The following CDC42BPA variants were observed in gnomAD, a reference collection of about 807,000 sequenced individuals.
CDC42BPA encodes the protein CDC42 binding protein kinase alpha.
CDC42BPA carries 80 observed loss-of-function variants against 223.5 expected under a neutral mutation model. The ratio of observed to expected loss-of-function variants is 0.36; its 90% confidence interval spans 0.30 to 0.43. The LOEUF (loss-of-function observed/expected upper bound fraction) is 0.43. CDC42BPA is among the 20% of genes least tolerant of loss of function. The pLI is 1.00. For missense variants in CDC42BPA, 1,743 were observed against 2,099.9 expected, an observed-to-expected ratio of 0.83 and a Z score of 3.32; for synonymous variants, 694 against 718.6, an observed-to-expected ratio of 0.97 and a Z score of 0.55.
At chr1:227,118,977 G>A (rs2149434585) in intron 12 of CDC42BPA, among the ~76,000 whole-genome samples, 1 of 152,090 alleles carries the variant, frequency 6.6e-6, no homozygotes, top group Non-Finnish European at 1.5e-5. Context: ...AAGGTTATTT[G>A]TTTTATTTTT....
intron 6 of CDC42BPA, among the ~76,000 whole-genome samples, chr1:227,152,113 C>T (rs1258909843): frequency 1.3e-5 from 2 of 152,102 alleles, no homozygotes; most frequent in African/African-American, 4.8e-5. Context: ...GGAGTTTTTA[C>T]ATATTTTAGA....
At chr1:227,113,879 A>C (rs1275024495) in intron 12 of CDC42BPA, among the ~76,000 whole-genome samples, 1 of 150,590 alleles carries the variant, frequency 6.6e-6, no homozygotes, top group African/African-American at 2.4e-5. Context: ...AAAAAAAAAA[A>C]GGCCAGGTAT....
chr1:227,232,974 C>T (rs1488723728), intron 2 of CDC42BPA, among the ~76,000 whole-genome samples: 1 of 152,262 alleles, frequency 6.6e-6, no homozygotes, highest in African/African-American at 2.4e-5. Flanking sequence ...CACGCCTCCC[C>T]GAGCCTCTCT....
chr1:227,110,452 T>C (rs897771553), intron 14 of CDC42BPA, among the ~76,000 whole-genome samples: 2 of 152,196 alleles, frequency 1.3e-5, no homozygotes, highest in African/African-American at 4.8e-5. Flanking sequence ...AATGAAGTAA[T>C]GTTTATTGTA....
chr1:227,155,051 A>G lies in CDC42BPA; in HGVS notation c.693+5492T>C, dbSNP rs117714675. Among the ~76,000 whole-genome samples the G allele has an allele frequency of 2.2e-3, 335 of 152,338 alleles. 9 individuals carry two copies. In the East Asian group the frequency reaches 0.046, roughly 21 times the overall value. ...TTGACCGAGATATAACAGAAAAAGTAAGTTGAAACTTAATTTGAAAGTCAC... is the reference window on the plus strand; with the variant it reads ...TTGACCGAGATATAACAGAAAAAGTGAGTTGAAACTTAATTTGAAAGTCAC... On this transcript the variant is annotated intron_variant, in intron 6 of 36. Transcript: ENST00000366766.
At chr1:227,150,186 T>C (rs562220328) in intron 6 of CDC42BPA, among the ~76,000 whole-genome samples, 1 of 148,050 alleles carries the variant, frequency 6.8e-6, no homozygotes, top group South Asian at 2.1e-4. Context: ...ATGGCATCAC[T>C]GCACTCCAGC....
chr1:227,100,929 A>G, intron 15 of CDC42BPA, 63 bp downstream of exon 15: 1 of 1,064,534 alleles, frequency 9.4e-7, no homozygotes, highest in Non-Finnish European at 1.4e-6. Context: ...TGTATCTCCA[A>G]TACTTGACAC....
chr1:227,012,837 T>C (rs911327797), intron 34 of CDC42BPA, among the ~76,000 whole-genome samples: 3 of 152,080 alleles, frequency 2.0e-5, no homozygotes, highest in Non-Finnish European at 4.4e-5. Flanking sequence ...CAGGCATGCA[T>C]ATTATTATTA....
intron 5 of CDC42BPA, among the ~76,000 whole-genome samples, chr1:227,192,659 G>T (rs1042030670): frequency 2.0e-5 from 3 of 152,064 alleles, no homozygotes; most frequent in Non-Finnish European, 4.4e-5. Flanking sequence ...AAATGTGAGG[G>T]TACCTTTTAA....
Position 227,148,488 on chromosome 1 carries a change from G to A in CDC42BPA, c.694-929C>T, listed in dbSNP as rs573659820. 3.9e-5 allele frequency among the ~76,000 whole-genome samples: 6 copies of A among 152,120 alleles called. No individual in the cohort carries two copies. The South Asian group carries it at 1.0e-3, about 26-fold the overall frequency. The stretch of plus-strand genomic sequence containing the variant: ...TACATTTCCAATTCTGAATAATTAG[G>A]ATAAACTTACATTTTAGCAATACTG... On this transcript the variant is annotated intron_variant, in intron 6 of 36. Transcript: ENST00000366766.
At chr1:227,002,894 TC>T (rs1209857986) in intron 35 of CDC42BPA, among the ~76,000 whole-genome samples, 2 of 152,296 alleles carry the variant, frequency 1.3e-5, no homozygotes, top group Admixed American at 6.5e-5. Context: ...ACCAGAGCCA[TC>T]CAGTCTATGA....
At chr1:227,264,040 T>C (rs1263287736) in intron 1 of CDC42BPA, among the ~76,000 whole-genome samples, 1 of 152,240 alleles carries the variant, frequency 6.6e-6, no homozygotes, top group East Asian at 1.9e-4. Context: ...GTGCAGAATA[T>C]AATTTATACT....
At chr1:227,114,503 G>A (rs1379188407) in intron 12 of CDC42BPA, among the ~76,000 whole-genome samples, 1 of 149,320 alleles carries the variant, frequency 6.7e-6, no homozygotes, top group Non-Finnish European at 1.5e-5. Context: ...GAAATGAAGA[G>A]CTAATAAAAT....
At chr1:227,206,358 ATAT>A (rs1409714397) in intron 3 of CDC42BPA, among the ~76,000 whole-genome samples, 1 of 136,796 alleles carries the variant, frequency 7.3e-6, no homozygotes, top group Non-Finnish European at 1.6e-5. Context: ...ATTGGACATT[ATAT>A]TATTATACCT....
At chr1:227,198,993 C>T (rs1671262787) in intron 4 of CDC42BPA, among the ~76,000 whole-genome samples, 1 of 152,174 alleles carries the variant, frequency 6.6e-6, no homozygotes, top group South Asian at 2.1e-4. Context: ...CATGATCCTC[C>T]CGCCTTGGCC....
At chr1:227,059,346 G>T in intron 21 of CDC42BPA, 1 of 1,553,394 alleles carries the variant, frequency 6.4e-7, no homozygotes, top group Non-Finnish European at 8.7e-7. Flanking sequence ...CCTCAGGATG[G>T]GTACATAAAG....
intron 1 of CDC42BPA, among the ~76,000 whole-genome samples, chr1:227,287,490 C>G (rs993064578): frequency 6.6e-6 from 1 of 152,192 alleles, no homozygotes; most frequent in African/African-American, 2.4e-5. Flanking sequence ...TAAAATACCT[C>G]TTACCCTGAT....
chr1:227,036,650 C>T (rs891772783), intron 24 of CDC42BPA, among the ~76,000 whole-genome samples: 2 of 152,020 alleles, frequency 1.3e-5, no homozygotes, highest in African/African-American at 2.4e-5. Flanking sequence ...AGGATGGTCT[C>T]GATCTCCTGA....
At chr1:227,282,676 T>C (rs1454003674) in intron 1 of CDC42BPA, among the ~76,000 whole-genome samples, 1 of 152,240 alleles carries the variant, frequency 6.6e-6, no homozygotes, top group Admixed American at 6.5e-5. Flanking sequence ...CAGCTCTACC[T>C]TACTCTTTGC....
Sources: allele counts gnomAD v4.1 joint callset (sites outside exome capture counted in the v4.1 genomes callset), GRCh38; gene constraint gnomAD v4.1.1; transcripts MANE v1.5; gene names NCBI Gene and HGNC (gene_info 2026-07-23, HGNC 2026-07-21).